Variants in EYS observed in about 807,000 individuals in gnomAD.
EYS encodes the protein EGF-like photoreceptor maintenance factor, also known as protein eyes shut homolog.
In EYS, 250 loss-of-function variants were observed where a neutral mutation model predicts 282.1. The ratio of observed to expected loss-of-function variants is 0.89; its 90% CI spans 0.80 to 0.98. The LOEUF (loss-of-function observed/expected upper bound fraction) is 0.98. Among genes scored for constraint, EYS ranks in the 50% least tolerant of loss-of-function variants. EYS has a pLI of 0.00. For synonymous variants in EYS, 1,355 were observed against 1,282.9 expected (o/e 1.06, Z -1.20); for missense variants, 4,016 against 3,709.0 (o/e 1.08, Z -2.15).
chr6:65,406,596 G>T (rs997843032), intron 5 of EYS, among the ~76,000 whole-genome samples: 1 of 151,838 alleles, frequency 6.6e-6, no homozygotes, highest in East Asian at 1.9e-4. Flanking sequence ...TTTTTATATG[G>T]TGTGGGATAA....
At chr6:64,026,426 C>T (rs1023440205) in intron 33 of EYS, among the ~76,000 whole-genome samples, 3 of 152,102 alleles carry the variant, frequency 2.0e-5, no homozygotes, top group African/African-American at 4.8e-5. Context: ...ACCAATTTGA[C>T]CTATAAACCC....
intron 26 of EYS, among the ~76,000 whole-genome samples, chr6:64,463,122 T>C (rs1775806744): frequency 6.6e-6 from 1 of 151,970 alleles, no homozygotes; most frequent in East Asian, 1.9e-4. Context: ...ATTTATTTTT[T>C]GGATTTTTTT....
intron 30 of EYS, among the ~76,000 whole-genome samples, chr6:64,252,070 G>A (rs1398140877): frequency 6.6e-6 from 1 of 152,106 alleles, no homozygotes; most frequent in Non-Finnish European, 1.5e-5. Context: ...AATTATGATG[G>A]AATTGTCATT....
intron 12 of EYS, among the ~76,000 whole-genome samples, chr6:65,238,558 G>T (rs1766982564): frequency 6.6e-6 from 1 of 151,846 alleles, no homozygotes; most frequent in Non-Finnish European, 1.5e-5. Context: ...CTTTGTGTGT[G>T]AGAGAGGGAG....
At chr6:65,390,382 CAGAG>C (rs369504930) in intron 7 of EYS, among the ~76,000 whole-genome samples, 1 of 148,488 alleles carries the variant, frequency 6.7e-6, no homozygotes, top group Admixed American at 6.8e-5. Context: ...GAGAGAGAGT[CAGAG>C]AGAGAGAGAG....
At chr6:65,151,299 G>A (rs955616958) in intron 12 of EYS, among the ~76,000 whole-genome samples, 6 of 151,964 alleles carry the variant, frequency 3.9e-5, no homozygotes, top group Non-Finnish European at 8.8e-5. Context: ...TTATTAGAGA[G>A]GGCTTTTAGG....
chr6:64,454,032 C>A (rs1311982329), intron 26 of EYS, among the ~76,000 whole-genome samples: 1 of 151,856 alleles, frequency 6.6e-6, no homozygotes, highest in African/African-American at 2.4e-5. Context: ...AATTTGTTAC[C>A]AGTTGGCTAT....
At chr6:63,979,654 T>C (rs557987362) in intron 35 of EYS, among the ~76,000 whole-genome samples, 1 of 152,024 alleles carries the variant, frequency 6.6e-6, no homozygotes, top group African/African-American at 2.4e-5. Flanking sequence ...GATGTAAATA[T>C]TATCTGTTTA....
intron 12 of EYS, 132 bp from the exon 13 acceptor site, chr6:65,057,859 G>GC (rs1773463522): frequency 1.5e-6 from 1 of 648,202 alleles, no homozygotes; most frequent in African/African-American, 1.8e-5. Flanking sequence ...AGATAAGAAT[G>GC]CCACATATAT....
intron 23 of EYS, 47 bp downstream of exon 23, chr6:64,626,074 A>G: frequency 1.8e-6 from 2 of 1,124,202 alleles, no homozygotes; most frequent in Non-Finnish European, 2.6e-6. Flanking sequence ...ACATAAACGT[A>G]TATATTATTA....
intron 12 of EYS, among the ~76,000 whole-genome samples, chr6:65,224,373 A>T (rs1766562069): frequency 6.6e-6 from 1 of 152,190 alleles, no homozygotes; most frequent in South Asian, 2.1e-4. Context: ...CAAATGAAAA[A>T]GATATACAGT....
At chr6:64,984,934 A>G (rs75211223) in intron 14 of EYS, among the ~76,000 whole-genome samples, 165 of 151,608 alleles carry the variant, frequency 1.1e-3, no homozygotes, top group Non-Finnish European at 2.0e-3. Flanking sequence ...AGTACAAATA[A>G]ACCTCTTTTT....
At chr6:64,339,562 A>G (rs1771009731) in intron 29 of EYS, among the ~76,000 whole-genome samples, 1 of 151,934 alleles carries the variant, frequency 6.6e-6, no homozygotes, top group Admixed American at 6.6e-5. Context: ...ACTGTGGAAA[A>G]CAGTGTGGAG....
At chr6:64,803,072 T>C (rs958633448) in intron 22 of EYS, among the ~76,000 whole-genome samples, 3 of 152,170 alleles carry the variant, frequency 2.0e-5, no homozygotes, top group Non-Finnish European at 4.4e-5. Context: ...ATGCAGTGGT[T>C]CCCAGAAGCT....
intron 12 of EYS, among the ~76,000 whole-genome samples, chr6:65,106,206 G>A (rs1027444689): frequency 1.3e-5 from 2 of 151,906 alleles, no homozygotes; most frequent in Admixed American, 6.6e-5. Context: ...AAGGTAGTAC[G>A]ATCTCTAGAC....
chr6:65,239,693 G>T (rs1457678316), intron 12 of EYS, among the ~76,000 whole-genome samples: 2 of 151,940 alleles, frequency 1.3e-5, no homozygotes, highest in Non-Finnish European at 2.9e-5. Flanking sequence ...TGATATTAAA[G>T]AAAATGGTTT....
At chr6:64,589,956 A>G (rs1376708347) in intron 26 of EYS, among the ~76,000 whole-genome samples, 1 of 152,134 alleles carries the variant, frequency 6.6e-6, no homozygotes, top group African/African-American at 2.4e-5. Context: ...GTCATAATGA[A>G]TTGAACTAGT....
chr6:64,504,754 G>C (rs1777160828), intron 26 of EYS, among the ~76,000 whole-genome samples: 1 of 152,204 alleles, frequency 6.6e-6, no homozygotes, highest in Non-Finnish European at 1.5e-5. Flanking sequence ...GATGTGAAAA[G>C]TAAACAGTGA....
Position 63,830,249 on chromosome 6 carries a change from G to A in EYS, c.7229-23877C>T, listed in dbSNP as rs147457037. On this transcript the variant is annotated intron_variant, in intron 36 of 42. Transcript: ENST00000503581. ...AAGTTGAGAGAAGAAGGCTTCAGAC[G>A]ATTGCTATTTACAGACTCCTCCCAG... 6.6e-4 allele frequency among the ~76,000 whole-genome samples: 100 copies of A among 152,302 alleles called. No homozygotes were observed. In the East Asian group the frequency reaches 0.014, roughly 21 times the overall value.
Sources: gnomAD v4.1 joint callset for allele counts (sites outside exome capture counted in the v4.1 genomes callset) on GRCh38, gnomAD v4.1.1 for gene constraint, MANE v1.5 for transcripts, NCBI Gene and HGNC (gene_info 2026-07-23, HGNC 2026-07-21) for gene names.